The following RUBCN variants were observed in gnomAD, a reference collection of about 807,000 sequenced individuals.
RUBCN encodes run domain Beclin-1-interacting and cysteine-rich domain-containing protein.
A neutral mutation model predicts 113.2 loss-of-function variants in RUBCN; 74 were observed. The ratio of observed to expected loss-of-function variants is 0.65; its 90% CI spans 0.54 to 0.79. RUBCN has a LOEUF of 0.79. RUBCN is among the 30% of genes least tolerant of loss of function. RUBCN has a pLI of 0.00. For missense variants in RUBCN, 1,109 were observed against 1,251.7 expected (o/e 0.89, Z 1.72); for synonymous variants, 480 against 490.0 (o/e 0.98, Z 0.27).
At chr3:197,703,396 TC>T (rs1580265892) in intron 5 of RUBCN, 151 bp downstream of exon 5, 2 of 312,748 alleles carry the variant, frequency 6.4e-6, no homozygotes, top group East Asian at 1.2e-4. Flanking sequence ...AGACTCTGTC[TC>T]AAAAAAAAAA....
At chr3:197,689,043 TGA>T (rs1188071623) in intron 11 of RUBCN, among the ~76,000 whole-genome samples, 1 of 151,264 alleles carries the variant, frequency 6.6e-6, no homozygotes, top group Non-Finnish European at 1.5e-5. Context: ...TTTTTTTTTT[TGA>T]GACAGGGTCT....
intron 6 of RUBCN, among the ~76,000 whole-genome samples, chr3:197,701,485 G>C (rs1003461454): frequency 3.9e-5 from 6 of 152,164 alleles, no homozygotes; most frequent in Non-Finnish European, 7.4e-5. Context: ...TGGCAATGTG[G>C]ATTAGAAACC....
At chr3:197,695,559 A>G (rs1239623138) in intron 9 of RUBCN, among the ~76,000 whole-genome samples, 1 of 152,172 alleles carries the variant, frequency 6.6e-6, no homozygotes, top group Non-Finnish European at 1.5e-5. Flanking sequence ...CATGACCGTG[A>G]CACTGCACTC....
rs1028765846 is a variant in RUBCN at position 197,749,204 on chromosome 3, C to T, written c.-116+65G>A. ...GGGATGATTAAAAAGTAAACGAACCCTTCTATCCATTCCCAATGCAAATGA... is the reference window on the plus strand; with the variant it reads ...GGGATGATTAAAAAGTAAACGAACCTTTCTATCCATTCCCAATGCAAATGA... On this transcript the variant is annotated intron_variant, in intron 1 of 20. Transcript: ENST00000273582. The T allele has an allele frequency of 1.3e-5, 11 of 878,180 alleles. No individual in the cohort carries two copies. In the African/African-American group the frequency reaches 1.3e-4, roughly 10 times the overall value. 54.4% of individuals were successfully genotyped at this position (878,180 alleles called of 1,614,324 possible).
chr3:197,670,546 A>C lies in RUBCN; in HGVS notation c.*4472T>G, dbSNP rs1239929171. Among the ~76,000 whole-genome samples the C allele has an allele frequency of 6.6e-6, 1 of 152,236 alleles. No individual in the cohort carries two copies. Among genetic ancestry groups the C allele is most frequent in the Non-Finnish European group, 1.5e-5 (1 of 68,046 alleles). On this transcript the variant is annotated 3_prime_UTR_variant, in exon 20 of 20. Coordinates refer to ENST00000296343, the MANE Select transcript of RUBCN (RefSeq NM_014687.4). ...ATCAAGCTTTGGCTTCCTGTGAACT[A>C]CACCAGTTTGTAACAATGAACAAAA...
At chr3:197,676,139 A>AC (rs755141320) in intron 18 of RUBCN, 26 of 966,048 alleles carry the variant, frequency 2.7e-5, no homozygotes, top group Non-Finnish European at 3.0e-5. Context: ...CATACAAATT[A>AC]CCCCATCAAC....
intron 1 of RUBCN, among the ~76,000 whole-genome samples, chr3:197,730,194 C>T (rs374200379): frequency 8.5e-4 from 130 of 152,292 alleles, no homozygotes; most frequent in African/African-American, 3.0e-3. Flanking sequence ...TGATTTTCCA[C>T]TGAGGAACCA....
At chr3:197,691,097 A>G in intron 11 of RUBCN, 6 of 1,289,686 alleles carry the variant, frequency 4.7e-6, no homozygotes, top group Non-Finnish European at 6.1e-6. Context: ...GGCCAGTGAC[A>G]CTGACAGTCC....
chr3:197,702,466 C>A (rs1053208600), intron 5 of RUBCN, among the ~76,000 whole-genome samples: 2 of 152,162 alleles, frequency 1.3e-5, no homozygotes, highest in Non-Finnish European at 2.9e-5. Flanking sequence ...AGATCGAGAC[C>A]AGCCTGGCCA....
upstream of RUBCN, among the ~76,000 whole-genome samples, chr3:197,738,200 G>C (rs767902450): frequency 6.6e-6 from 1 of 152,218 alleles, no homozygotes; most frequent in African/African-American, 2.4e-5. Flanking sequence ...TGGCCCTTGA[G>C]TTGCTAGTTT....
chr3:197,678,699 C>T (rs1375124404), intron 16 of RUBCN, among the ~76,000 whole-genome samples: 30 of 150,770 alleles, frequency 2.0e-4, no homozygotes, highest in Admixed American at 1.9e-3. Flanking sequence ...TCCAGACTGT[C>T]GTATGCTCTA....
chr3:197,748,877 G>A (rs1728875890), intron 1 of RUBCN, among the ~76,000 whole-genome samples: 1 of 152,198 alleles, frequency 6.6e-6, no homozygotes, highest in Non-Finnish European at 1.5e-5. Context: ...ATTAAGCAAA[G>A]GCTACTGTGG....
At chr3:197,696,051 A>G in intron 8 of RUBCN, 70 bp from the exon 9 acceptor site, 1 of 1,443,722 alleles carries the variant, frequency 6.9e-7, no homozygotes, top group Non-Finnish European at 9.7e-7. Context: ...GTCATTAAAG[A>G]TGCTCCCAAG....
chr3:197,749,518 T>G (rs1479979056), exon 1 of RUBCN: 1 of 1,289,826 alleles, frequency 7.8e-7, no homozygotes, highest in Non-Finnish European at 1.0e-6. Context: ...CGCAGGGGTC[T>G]GTCCTGCCTC....
intron 8 of RUBCN, among the ~76,000 whole-genome samples, chr3:197,696,339 T>TC (rs1226952207): frequency 6.7e-6 from 1 of 149,264 alleles, no homozygotes; most frequent in Non-Finnish European, 1.5e-5. Context: ...ACCACTGCAC[T>TC]CCAGCCTGGG....
chr3:197,707,723 G>A (rs1365967513), intron 2 of RUBCN, among the ~76,000 whole-genome samples: 1 of 152,216 alleles, frequency 6.6e-6, no homozygotes, highest in Non-Finnish European at 1.5e-5. Flanking sequence ...AACAATTTGG[G>A]AGGCTGAGGT....
At position 197,669,296 on chromosome 3, in the gene RUBCN, C is replaced by T. The variant is rs924806740; in HGVS notation, c.*5722G>A. On this transcript the variant is annotated 3_prime_UTR_variant, in exon 20 of 20. Coordinates refer to ENST00000296343, the MANE Select transcript of RUBCN (RefSeq NM_014687.4). ...TTTCACTAATATCCTTTCTCCATTT[C>T]GGGATCCCACCCGGGATCCCACATG... Among the ~76,000 whole-genome samples the T allele has an allele frequency of 4.6e-5, 7 of 152,188 alleles. No individual in the cohort carries two copies. The highest frequency in any genetic ancestry group is 8.8e-5 in the Non-Finnish European group (6 of 68,042).
chr3:197,739,886 A>G (rs187914251), upstream of RUBCN, among the ~76,000 whole-genome samples: 1 of 152,080 alleles, frequency 6.6e-6, no homozygotes, highest in Non-Finnish European at 1.5e-5. Flanking sequence ...AAATACAAAG[A>G]AAAAATAGTC....
In RUBCN at chr3:197,674,644, G is replaced by C. The variant is rs1720131011; in HGVS notation, c.*374C>G. 1 of 416,502 alleles carries C rather than the reference G, an allele frequency of 2.4e-6. No homozygotes were observed. Among genetic ancestry groups the C allele is most frequent in the Non-Finnish European group, 4.8e-6 (1 of 207,894 alleles). The allele number at this position is 416,502 out of a possible 1,614,324, so 25.8% of individuals were successfully genotyped here. On this transcript the variant is annotated 3_prime_UTR_variant, in exon 20 of 20. Transcript: ENST00000296343. ...TCAGAAGCTCCAGAACTGAAACAAA[G>C]GAAAATTGGAAATGATACCTGACAT...
Sources: allele counts gnomAD v4.1 joint callset (sites outside exome capture counted in the v4.1 genomes callset), GRCh38; gene constraint gnomAD v4.1.1; transcripts MANE v1.5; gene names NCBI Gene and HGNC (gene_info 2026-07-23, HGNC 2026-07-21).